ZMYND8: variants seen among roughly 807,000 people sequenced by gnomAD.
ZMYND8 encodes the protein MYND-type zinc finger-containing chromatin reader ZMYND8.
Under a neutral mutation model 140.8 loss-of-function variants are expected in ZMYND8, and 37 were observed. The observed-to-expected ratio is 0.26, with a 90% CI of 0.20 to 0.35. The LOEUF (loss-of-function observed/expected upper bound fraction) is 0.35, where lower values mean the gene tolerates loss of function less well. ZMYND8 is among the 10% of genes least tolerant of loss of function. ZMYND8 has a pLI of 1.00. For synonymous variants in ZMYND8, 592 were observed against 597.1 expected, an observed-to-expected ratio of 0.99 and a Z score of 0.12; for missense variants, 1,068 against 1,570.0, an observed-to-expected ratio of 0.68 and a Z score of 5.40.
intron 2 of ZMYND8, among the ~76,000 whole-genome samples, chr20:47,338,861 C>A (rs896056594): frequency 1.3e-5 from 2 of 152,070 alleles, no homozygotes; most frequent in African/African-American, 2.4e-5. Flanking sequence ...CAGAGGCCAA[C>A]AGGACAGGAA....
At chr20:47,351,795 T>G (rs1209956062) in intron 1 of ZMYND8, 1 of 985,316 alleles carries the variant, frequency 1.0e-6, no homozygotes, top group South Asian at 4.7e-5. Context: ...ATTCCTGTGT[T>G]GAAGCTAAAA....
chr20:47,323,084 G>T (rs58456712), intron 2 of ZMYND8, among the ~76,000 whole-genome samples: 3,484 of 152,218 alleles, frequency 0.023, 134 homozygotes, highest in African/African-American at 0.08. Context: ...TTCCCAAAAG[G>T]GTTGTGAGGA....
At chr20:47,343,740 G>A (rs1440598234) in intron 2 of ZMYND8, among the ~76,000 whole-genome samples, 1 of 152,042 alleles carries the variant, frequency 6.6e-6, no homozygotes, top group East Asian at 1.9e-4. Flanking sequence ...CAAGTGATCT[G>A]CCCGCCTTGG....
chr20:47,260,928 T>C (rs1394045201), intron 12 of ZMYND8, among the ~76,000 whole-genome samples: 1 of 152,174 alleles, frequency 6.6e-6, no homozygotes, highest in Non-Finnish European at 1.5e-5. Flanking sequence ...CAATCAATAA[T>C]GAATCAACAG....
chr20:47,268,773 C>CA lies in ZMYND8; in HGVS notation c.1481-6346dup, dbSNP rs146630245. Among the ~76,000 whole-genome samples the CA allele has an allele frequency of 0.013, 1,887 of 146,552 alleles. 78 individuals carry two copies. The East Asian group carries it at 0.15, about 12-fold the overall frequency. On this transcript the variant is annotated intron_variant, in intron 11 of 22. Coordinates refer to ENST00000471951, the MANE Select transcript of ZMYND8 (RefSeq NM_001281775.3). Reference sequence around the variant, plus strand: ...AGCCTGGGTGACAGAGACTCCATCTCAAAAAAAAAGAAAAAGAAACAATGA... The same window carrying CA: ...AGCCTGGGTGACAGAGACTCCATCTCAAAAAAAAAAGAAAAAGAAACAATGA...
chr20:47,301,429 T>G (rs2078040990), intron 3 of ZMYND8, among the ~76,000 whole-genome samples: 1 of 152,188 alleles, frequency 6.6e-6, no homozygotes, highest in African/African-American at 2.4e-5. Context: ...GTGCTGGGAT[T>G]ACAGGTGTTG....
At chr20:47,325,969 A>AT (rs1207087392) in intron 2 of ZMYND8, among the ~76,000 whole-genome samples, 1 of 150,554 alleles carries the variant, frequency 6.6e-6, no homozygotes, top group African/African-American at 2.5e-5. Flanking sequence ...TTATCTATTT[A>AT]TTTTTTTGAG....
intron 10 of ZMYND8, among the ~76,000 whole-genome samples, chr20:47,281,624 C>A (rs1013678796): frequency 6.6e-5 from 10 of 152,134 alleles, no homozygotes; most frequent in Non-Finnish European, 1.0e-4. Flanking sequence ...AAAACAGCAA[C>A]CCCTTATAAC....
At chr20:47,330,763 C>T (rs1216176749) in intron 2 of ZMYND8, among the ~76,000 whole-genome samples, 2 of 152,174 alleles carry the variant, frequency 1.3e-5, no homozygotes, top group Admixed American at 6.6e-5. Context: ...CATCCTCTCT[C>T]GCCGAAAGGC....
chr20:47,342,853 A>G (rs2082023346), intron 2 of ZMYND8, among the ~76,000 whole-genome samples: 1 of 151,798 alleles, frequency 6.6e-6, no homozygotes, highest in Admixed American at 6.6e-5. Context: ...TCTCAAAAAA[A>G]AAAAAAAAAG....
At chr20:47,254,937 G>A (rs576346824) in intron 12 of ZMYND8, among the ~76,000 whole-genome samples, 1 of 151,606 alleles carries the variant, frequency 6.6e-6, no homozygotes, top group African/African-American at 2.4e-5. Context: ...GACAAGCCTG[G>A]CCAACACGGT....
At chr20:47,213,170 G>A (rs2035534380) in intron 21 of ZMYND8, among the ~76,000 whole-genome samples, 1 of 152,102 alleles carries the variant, frequency 6.6e-6, no homozygotes, top group South Asian at 2.1e-4. Context: ...AGGGAGGAGA[G>A]GATGGAGAAG....
At chr20:47,241,575 G>T (rs1254562626) in intron 14 of ZMYND8, among the ~76,000 whole-genome samples, 1 of 152,030 alleles carries the variant, frequency 6.6e-6, no homozygotes, top group Non-Finnish European at 1.5e-5. Flanking sequence ...GGGCTGGAAG[G>T]GAGGTTAGAG....
chr20:47,267,280 G>A (rs148618153), intron 11 of ZMYND8, among the ~76,000 whole-genome samples: 2,161 of 152,274 alleles, frequency 0.014, 24 homozygotes, highest in Non-Finnish European at 0.022. Flanking sequence ...GGGATGGGGA[G>A]TGGCTGTTTG....
chr20:47,223,603 T>C (rs2037300677), intron 19 of ZMYND8, among the ~76,000 whole-genome samples: 1 of 151,976 alleles, frequency 6.6e-6, no homozygotes, highest in African/African-American at 2.4e-5. Flanking sequence ...GGTAGGTGGA[T>C]CACCTGAGGT....
chr20:47,269,106 A>G (rs1452560534), intron 11 of ZMYND8, among the ~76,000 whole-genome samples: 1 of 151,542 alleles, frequency 6.6e-6, no homozygotes, highest in Non-Finnish European at 1.5e-5. Flanking sequence ...GGCTGAGGCA[A>G]GAGAACTGCT....
intron 11 of ZMYND8, among the ~76,000 whole-genome samples, chr20:47,273,262 T>C (rs2076066162): frequency 6.6e-6 from 1 of 152,158 alleles, no homozygotes; most frequent in South Asian, 2.1e-4. Flanking sequence ...TCATGAAACA[T>C]GCAACTTATA....
rs77531116 is a variant in ZMYND8 at position 47,261,127 on chromosome 20, G to C, written c.1621+1161C>G. ...TCCCAGCTACTCGGAGGCTCAGGCA[G>C]GAGAATCACTTGAACCTGGGAAGCA... is the stretch of plus-strand genomic sequence containing the variant. On this transcript the variant is annotated intron_variant, in intron 12 of 22. Transcript: ENST00000471951. 1.1e-3 allele frequency among the ~76,000 whole-genome samples: 175 copies of C among 152,266 alleles called. 2 individuals are homozygous for C. In the East Asian group the frequency reaches 0.025, roughly 21 times the overall value.
chr20:47,340,777 ACT>A (rs1265518703), intron 2 of ZMYND8, among the ~76,000 whole-genome samples: 1 of 151,468 alleles, frequency 6.6e-6, no homozygotes, highest in Non-Finnish European at 1.5e-5. Context: ...ACAGAGCAAG[ACT>A]CTGTCTCAAA....
Sources: gnomAD v4.1 joint callset for allele counts (sites outside exome capture counted in the v4.1 genomes callset) on GRCh38, gnomAD v4.1.1 for gene constraint, MANE v1.5 for transcripts, NCBI Gene and HGNC (gene_info 2026-07-23, HGNC 2026-07-21) for gene names.